The following NALCN variants were observed in gnomAD, a reference collection of about 807,000 sequenced individuals.
The protein encoded by NALCN is sodium leak channel NALCN.
In NALCN, 111 loss-of-function variants were observed where a neutral mutation model predicts 225.3. The ratio of observed to expected loss-of-function variants is 0.49; its 90% confidence interval spans 0.42 to 0.58. The LOEUF (loss-of-function observed/expected upper bound fraction) is 0.58, where lower values mean the gene tolerates loss of function less well. Among genes scored for constraint, NALCN ranks in the 20% least tolerant of loss-of-function variants. The pLI, the probability that NALCN is intolerant of heterozygous loss-of-function variation, is 0.00. For synonymous variants in NALCN, 764 were observed against 769.0 expected, an observed-to-expected ratio of 0.99 and a Z score of 0.11; for missense variants, 1,378 against 2,202.4, an observed-to-expected ratio of 0.63 and a Z score of 7.49.
At position 101,301,763 on chromosome 13, in the gene NALCN, C is replaced by T. The variant is rs16958810; in HGVS notation, c.800-9397G>A. On this transcript the variant is annotated intron_variant, in intron 7 of 43. Transcript: ENST00000251127. ...CAAGAAAAAAAAAAACAAAACCCTA[C>T]GCTTTGCCACAGTTAGCTGTCATTT... is the stretch of plus-strand genomic sequence containing the variant. 5.5e-3 allele frequency among the ~76,000 whole-genome samples: 837 copies of T among 151,262 alleles called. 6 individuals carry two copies. Among genetic ancestry groups the T allele is most frequent in the African/African-American group, 0.018 (750 of 41,316 alleles).
At chr13:101,360,189 CCTCTCTCTCTCTCTCTCTCT>C (rs759523803) in intron 6 of NALCN, among the ~76,000 whole-genome samples, 6 of 89,242 alleles carry the variant, frequency 6.7e-5, no homozygotes, top group South Asian at 5.2e-4. Context: ...TTCCTCTCTT[CCTCTCTCTCTCTCTCTCTCT>C]CTCTCTCTCT....
At chr13:101,192,477 A>T (rs1375109659) in intron 13 of NALCN, among the ~76,000 whole-genome samples, 1 of 152,114 alleles carries the variant, frequency 6.6e-6, no homozygotes, top group Non-Finnish European at 1.5e-5. Context: ...AAGGCATATA[A>T]TTTTATTTTT....
At chr13:101,093,825 T>A (rs2034362629) in intron 28 of NALCN, among the ~76,000 whole-genome samples, 1 of 152,120 alleles carries the variant, frequency 6.6e-6, no homozygotes, top group African/African-American at 2.4e-5. Context: ...CATATAACAA[T>A]CCCATCCTTA....
At chr13:101,208,019 G>A (rs987547003) in intron 13 of NALCN, among the ~76,000 whole-genome samples, 1 of 150,526 alleles carries the variant, frequency 6.6e-6, no homozygotes, top group Non-Finnish European at 1.5e-5. Flanking sequence ...CACTCACCAC[G>A]AAGGTCTGCA....
At chr13:101,056,748 C>T (rs1254207350) in intron 43 of NALCN, among the ~76,000 whole-genome samples, 1 of 152,182 alleles carries the variant, frequency 6.6e-6, no homozygotes, top group Admixed American at 6.5e-5. Flanking sequence ...TGCCTCCAGG[C>T]TCTGTCATAG....
At chr13:101,289,930 C>T (rs914252417) in intron 9 of NALCN, among the ~76,000 whole-genome samples, 5 of 152,238 alleles carry the variant, frequency 3.3e-5, no homozygotes, top group East Asian at 1.9e-4. Context: ...CCAGGGTGGG[C>T]GGGGCCTGAA....
chr13:101,115,875 C>A (rs941792017), intron 18 of NALCN, among the ~76,000 whole-genome samples: 1 of 152,132 alleles, frequency 6.6e-6, no homozygotes, highest in African/African-American at 2.4e-5. Flanking sequence ...TTCTTAGGAA[C>A]TCCATCTAGT....
intron 7 of NALCN, among the ~76,000 whole-genome samples, chr13:101,311,755 G>A (rs538503287): frequency 1.1e-3 from 164 of 152,092 alleles, no homozygotes; most frequent in African/African-American, 1.9e-3. Context: ...TGCTGGATTC[G>A]GTTTGCCAGT....
At chr13:101,415,953 G>A (rs554886413) in intron 1 of NALCN, among the ~76,000 whole-genome samples, 39 of 152,326 alleles carry the variant, frequency 2.6e-4, no homozygotes, top group African/African-American at 8.9e-4. Context: ...GCCCAGGCGG[G>A]GCAGGCCCGA....
chr13:101,187,057 C>G (rs375872337), intron 14 of NALCN, among the ~76,000 whole-genome samples: 9 of 152,138 alleles, frequency 5.9e-5, no homozygotes, highest in Non-Finnish European at 7.4e-5. Flanking sequence ...TAGGCCCCCC[C>G]CTTATCCACT....
chr13:101,107,366 T>A, intron 22 of NALCN, 121 bp downstream of exon 22: 1 of 1,503,564 alleles, frequency 6.7e-7, no homozygotes. Flanking sequence ...GCATGATTAA[T>A]TAGTCCGCAG....
intron 42 of NALCN, chr13:101,058,443 G>C: frequency 1.3e-5 from 2 of 149,858 alleles, no homozygotes; most frequent in Non-Finnish European, 2.9e-5. Context: ...ACTGTCACCA[G>C]CCTGGAGATC....
At chr13:101,295,164 C>T (rs985541946) in intron 7 of NALCN, among the ~76,000 whole-genome samples, 1 of 152,160 alleles carries the variant, frequency 6.6e-6, no homozygotes, top group Non-Finnish European at 1.5e-5. Flanking sequence ...AGGAACAACA[C>T]ATACATAAAA....
intron 35 of NALCN, 123 bp downstream of exon 35, chr13:101,075,750 T>C (rs113953327): frequency 4.7e-6 from 3 of 639,304 alleles, no homozygotes; most frequent in Non-Finnish European, 5.1e-6. Flanking sequence ...TCTTGACTTA[T>C]GATGTCTAGT....
At chr13:101,237,166 C>T (rs9513874) in intron 12 of NALCN, among the ~76,000 whole-genome samples, 94,139 of 151,398 alleles carry the variant, frequency 0.62, 29,844 homozygotes, top group East Asian at 0.95. Context: ...GCAATGTGAT[C>T]CAATATATCA....
chr13:101,291,593 G>T (rs1322116209), intron 9 of NALCN, among the ~76,000 whole-genome samples: 2 of 152,050 alleles, frequency 1.3e-5, no homozygotes, highest in African/African-American at 2.4e-5. Context: ...TGTCACCCAG[G>T]CTGGGGTGCA....
At chr13:101,151,024 C>T (rs1481932895) in intron 15 of NALCN, among the ~76,000 whole-genome samples, 1 of 152,048 alleles carries the variant, frequency 6.6e-6, no homozygotes, top group East Asian at 1.9e-4. Context: ...GTCACACATT[C>T]ACATGGTAAA....
chr13:101,415,684 C>A (rs1469047969), intron 1 of NALCN, among the ~76,000 whole-genome samples: 1 of 152,190 alleles, frequency 6.6e-6, no homozygotes, highest in African/African-American at 2.4e-5. Flanking sequence ...ACCCTAATGA[C>A]GGCTGCTTAA....
chr13:101,355,340 G>A (rs893159770), intron 6 of NALCN, among the ~76,000 whole-genome samples: 1 of 150,578 alleles, frequency 6.6e-6, no homozygotes, highest in Non-Finnish European at 1.5e-5. Flanking sequence ...CAAAATAAAG[G>A]GATGGAGGAA....
Sources: allele counts gnomAD v4.1 joint callset (sites outside exome capture counted in the v4.1 genomes callset), GRCh38; gene constraint gnomAD v4.1.1; transcripts MANE v1.5; gene names NCBI Gene and HGNC (gene_info 2026-07-23, HGNC 2026-07-21).